The following TEKTIP1 variants were observed in gnomAD, a reference collection of about 807,000 sequenced individuals.
The protein encoded by TEKTIP1 is tektin bundle interacting protein 1.
the TEKTIP1 span, chr19:3,543,485 C>CCA: frequency 2.0e-6 from 3 of 1,516,574 alleles, no homozygotes; most frequent in African/African-American, 2.8e-5. Context: ...TGAGTGCCCC[C>CCA]CCCCCCGCCC....
At chr19:3,543,926 G>C in the TEKTIP1 span, 26 of 1,551,044 alleles carry the variant, frequency 1.7e-5, no homozygotes, top group Admixed American at 9.8e-5. Context: ...GCACCACCCA[G>C]AACTACCGGG....
chr19:3,543,491 C>CCT, the TEKTIP1 span: 54 of 1,516,086 alleles, frequency 3.6e-5, no homozygotes, highest in South Asian at 5.5e-4. Context: ...CCCCCCCCCC[C>CCT]GCCCTGGGCA....
At chr19:3,543,206 C>T in the TEKTIP1 span, 4 of 1,534,954 alleles carry the variant, frequency 2.6e-6, no homozygotes, top group African/African-American at 2.7e-5. Context: ...TAGACATGGG[C>T]TCAGTCTCTG....
the TEKTIP1 span, chr19:3,543,335 C>A: frequency 6.5e-7 from 1 of 1,549,532 alleles, no homozygotes. Flanking sequence ...AGCCGGCCAG[C>A]TGTGGTACAC....
chr19:3,543,779 G>A, the TEKTIP1 span: 7 of 1,491,936 alleles, frequency 4.7e-6, no homozygotes, highest in Non-Finnish European at 6.3e-6. Flanking sequence ...CCCCTTGCTG[G>A]CCAACGGCGA....
the TEKTIP1 span, chr19:3,542,615 A>G: frequency 1.3e-6 from 1 of 752,106 alleles, no homozygotes; most frequent in Middle Eastern, 6.7e-4. Flanking sequence ...CTGGGATTAC[A>G]GGTGCCCCCC....
At chr19:3,543,525 G>GCTTTTTT in the TEKTIP1 span, 1 of 1,506,094 alleles carries the variant, frequency 6.6e-7, no homozygotes, top group Non-Finnish European at 8.9e-7. Flanking sequence ...AGGGGGACAG[G>GCTTTTTT]AATGACCGCC....
chr19:3,539,490 G>A, the TEKTIP1 span: 96,079 of 530,552 alleles, frequency 0.18, 11,103 homozygotes, highest in African/African-American at 0.42. Flanking sequence ...GTCTGCGGCC[G>A]TCTCCAAGGA....
the TEKTIP1 span, chr19:3,543,927 A>C: frequency 1.3e-6 from 2 of 1,551,064 alleles, no homozygotes; most frequent in South Asian, 1.2e-5. Context: ...CACCACCCAG[A>C]ACTACCGGGA....
At chr19:3,539,269 C>T in the TEKTIP1 span, 15 of 1,538,790 alleles carry the variant, frequency 9.7e-6, no homozygotes, top group Non-Finnish European at 1.3e-5. Flanking sequence ...AGGTGAGCCC[C>T]TCCCTACAGG....
the TEKTIP1 span, chr19:3,542,480 CT>C: frequency 1.0e-6 from 1 of 984,302 alleles, no homozygotes; most frequent in Admixed American, 6.2e-5. Context: ...AGTCTCTTGT[CT>C]TTTTGTTTTT....
the TEKTIP1 span, chr19:3,543,678 A>G: frequency 6.5e-7 from 1 of 1,535,914 alleles, no homozygotes. Context: ...GGCAAGGAAT[A>G]CGGTGAGGCT....
the TEKTIP1 span, chr19:3,543,457 G>A: frequency 6.5e-7 from 1 of 1,541,822 alleles, no homozygotes; most frequent in Non-Finnish European, 8.7e-7. Flanking sequence ...AACACCGTGA[G>A]TGCAGCATGC....
At chr19:3,543,028 T>G in the TEKTIP1 span, 7 of 1,605,362 alleles carry the variant, frequency 4.4e-6, no homozygotes, top group Non-Finnish European at 6.0e-6. Context: ...GTGCGATGTG[T>G]GGGGAGAGGG....
At chr19:3,539,526 C>T in the TEKTIP1 span, 7 of 493,330 alleles carry the variant, frequency 1.4e-5, no homozygotes, top group African/African-American at 9.5e-5. Flanking sequence ...GAGCTTCGGC[C>T]ACAGAAATGT....
chr19:3,542,097 A>G, the TEKTIP1 span: 1 of 984,784 alleles, frequency 1.0e-6, no homozygotes, highest in Non-Finnish European at 1.2e-6. Flanking sequence ...GGCATGAGCC[A>G]CTGCGCCCAG....
At chr19:3,539,393 G>A in the TEKTIP1 span, 13 of 623,096 alleles carry the variant, frequency 2.1e-5, no homozygotes, top group East Asian at 1.9e-4. Context: ...TGTGTGTGAC[G>A]TCCCCTCCAG....
At chr19:3,543,893 G>C in the TEKTIP1 span, 1 of 1,550,942 alleles carries the variant, frequency 6.4e-7, no homozygotes. Context: ...TGCCCTCCCT[G>C]TCGGCACCCC....
At chr19:3,541,652 G>C in the TEKTIP1 span, 1 of 985,262 alleles carries the variant, frequency 1.0e-6, no homozygotes, top group Non-Finnish European at 1.2e-6. Context: ...TAAAAAAATG[G>C]AGATGCAGTG....
Sources: allele counts gnomAD v4.1 joint callset, GRCh38; gene constraint gnomAD v4.1.1; transcripts MANE v1.5; gene names NCBI Gene and HGNC (gene_info 2026-07-23, HGNC 2026-07-21).